The following MUSK variants were observed in gnomAD, a reference collection of about 807,000 sequenced individuals.
MUSK encodes the protein muscle, skeletal receptor tyrosine-protein kinase.
A neutral mutation model predicts 88.7 loss-of-function variants in MUSK; 55 were observed. The ratio of observed to expected loss-of-function variants is 0.62; its 90% CI spans 0.50 to 0.78. MUSK has a LOEUF of 0.78. MUSK is among the 30% of genes least tolerant of loss of function. The pLI, the probability that MUSK is intolerant of heterozygous loss-of-function variation, is 0.00. For synonymous variants in MUSK, 387 were observed against 391.9 expected (o/e 0.99, Z 0.15); for missense variants, 1,015 against 1,074.3 (o/e 0.94, Z 0.77).
At chr9:110,778,727 GCCAGAATGTTATA>G (rs1472139791) in intron 11 of MUSK, among the ~76,000 whole-genome samples, 1 of 151,896 alleles carries the variant, frequency 6.6e-6, no homozygotes, top group Non-Finnish European at 1.5e-5. Context: ...TGTCTTCAGA[GCCAGAATGTTATA>G]CCTGATGCAT....
chr9:110,689,695 AT>A (rs1354657683), intron 3 of MUSK, among the ~76,000 whole-genome samples: 2 of 48,132 alleles, frequency 4.2e-5, no homozygotes, highest in African/African-American at 3.4e-4. Flanking sequence ...ATATATAGTT[AT>A]ATATAAATAT....
At chr9:110,678,806 T>C (rs1432034972) in intron 1 of MUSK, among the ~76,000 whole-genome samples, 2 of 152,124 alleles carry the variant, frequency 1.3e-5, no homozygotes, top group Admixed American at 6.5e-5. Context: ...TGCATATCTG[T>C]TTAATTAATT....
chr9:110,745,288 CTT>C (rs1414543643), intron 6 of MUSK, among the ~76,000 whole-genome samples: 5 of 152,146 alleles, frequency 3.3e-5, no homozygotes, highest in Non-Finnish European at 5.9e-5. Context: ...TTAAGAATGA[CTT>C]TCTTAGGTGT....
intron 5 of MUSK, among the ~76,000 whole-genome samples, chr9:110,730,948 G>T: frequency 6.6e-6 from 1 of 152,036 alleles, no homozygotes; most frequent in Non-Finnish European, 1.5e-5. Context: ...GCCCTGACCT[G>T]GTAAACTTAC....
intron 14 of MUSK, 40 bp from the exon 15 acceptor site, chr9:110,800,266 G>C: frequency 6.9e-7 from 1 of 1,451,054 alleles, no homozygotes; most frequent in Non-Finnish European, 9.4e-7. Context: ...TTGTTTCATT[G>C]TAGAAACTGA....
At chr9:110,771,957 C>T (rs193139267) in intron 9 of MUSK, among the ~76,000 whole-genome samples, 26 of 152,040 alleles carry the variant, frequency 1.7e-4, no homozygotes, top group African/African-American at 5.3e-4. Context: ...ATTTTGTTAA[C>T]GAGTTGTTAC....
chr9:110,669,012 T>C (rs773846871), intron 1 of MUSK, 29 bp downstream of exon 1: 119 of 1,569,936 alleles, frequency 7.6e-5, no homozygotes, highest in Non-Finnish European at 9.7e-5. Context: ...GTCTTCTTGT[T>C]GTCTTGTCAT....
Position 110,800,977 on chromosome 9 carries a change from G to A in MUSK, c.2599G>A (p.Val867Met). 1 of 1,515,942 alleles carries A rather than the reference G, an allele frequency of 6.6e-7. No homozygotes were observed. The highest frequency in any genetic ancestry group is 8.8e-7 in the Non-Finnish European group (1 of 1,134,606). 93.9% of individuals were successfully genotyped at this position (1,515,942 alleles called of 1,614,324 possible). A position where few individuals can be genotyped will look rare whatever the true frequency, so the allele number is the denominator to read the frequency against. The change falls in exon 15 of 15, where the codon GTG becomes ATG. Residue 867 changes from valine (V) to methionine (M), a missense_variant. Coordinates refer to ENST00000374448, the MANE Select transcript of MUSK (RefSeq NM_005592.4). ...CATGTGTGAGAGGGCAGAGGGAACT[G>A]TGAGTGTCTAAGGTTGAAGACGTTC... ...ERMCERAEGT[V>M]SV
intron 1 of MUSK, among the ~76,000 whole-genome samples, chr9:110,673,132 G>A (rs2075981913): frequency 6.6e-6 from 1 of 152,140 alleles, no homozygotes; most frequent in Admixed American, 6.6e-5. Flanking sequence ...CCGGAAAGCA[G>A]ATTTGGATAA....
intron 14 of MUSK, among the ~76,000 whole-genome samples, chr9:110,799,251 G>GA (rs1030858969): frequency 6.6e-5 from 10 of 152,020 alleles, no homozygotes; most frequent in East Asian, 3.8e-4. Flanking sequence ...ACTTTTGCCT[G>GA]AAAAAACCCA....
At chr9:110,727,540 T>C (rs2076902685) in intron 5 of MUSK, 1 of 167,692 alleles carries the variant, frequency 6.0e-6, no homozygotes, top group Non-Finnish European at 1.3e-5. Flanking sequence ...ACAGACACTA[T>C]AGGTTTTAAA....
intron 3 of MUSK, among the ~76,000 whole-genome samples, chr9:110,690,291 T>TGTAAGTATATAGAAATATATAC (rs1564219744): frequency 1.0e-5 from 1 of 98,610 alleles, no homozygotes; most frequent in African/African-American, 4.5e-5. Flanking sequence ...TAAATATATA[T>TGTAAGTATATAGAAATATATAC]AAATATATAT....
At chr9:110,741,786 C>T (rs1375771251) in intron 6 of MUSK, among the ~76,000 whole-genome samples, 1 of 152,110 alleles carries the variant, frequency 6.6e-6, no homozygotes, top group Non-Finnish European at 1.5e-5. Flanking sequence ...CAGCTTGTAA[C>T]TTGAGGCATG....
At chr9:110,772,577 A>T (rs562869452) in intron 9 of MUSK, among the ~76,000 whole-genome samples, 3 of 152,014 alleles carry the variant, frequency 2.0e-5, no homozygotes, top group African/African-American at 4.8e-5. Flanking sequence ...ATAATAATAA[A>T]AATTGGCATT....
At chr9:110,758,747 A>G (rs78718970) in intron 7 of MUSK, among the ~76,000 whole-genome samples, 1,879 of 152,320 alleles carry the variant, frequency 0.012, 44 homozygotes, top group African/African-American at 0.043. Flanking sequence ...TTAATGTACA[A>G]AAGTCAGTAA....
rs2131636442 is a variant in MUSK at position 110,677,641 on chromosome 9, TG to T, written c.80-5031del. On this transcript the variant is annotated intron_variant, in intron 1 of 14. Transcript: ENST00000374448. ...TTTCACGGGTACCGTTTCCTCTGCC[TG>T]GAACACTCTTCTCTCTCCACTGCAC... 2.0e-5 allele frequency among the ~76,000 whole-genome samples: 3 copies of T among 152,356 alleles called. No homozygotes were observed. In the East Asian group the frequency reaches 5.8e-4, roughly 29 times the overall value.
intron 3 of MUSK, among the ~76,000 whole-genome samples, chr9:110,689,209 TTATATAA>T (rs1209837019): frequency 9.9e-6 from 1 of 101,324 alleles, no homozygotes; most frequent in Non-Finnish European, 1.8e-5. Context: ...TATTCATATT[TTATATAA>T]TATATAATAT....
rs539930697 is a variant in MUSK, at chr9:110,697,239, T to C, written c.487-86T>C. ...GCGATATCTTTGATGATGATAATAG[T>C]GATGACAATAAGTTGATGATATTTG... On this transcript the variant is annotated intron_variant, in intron 4 of 14. Coordinates refer to ENST00000374448, the MANE Select transcript of MUSK (RefSeq NM_005592.4). The C allele has an allele frequency of 1.6e-5, 22 of 1,377,012 alleles. No homozygotes were observed. In the African/African-American group the frequency reaches 2.7e-4, roughly 17 times the overall value. The allele number at this position is 1,377,012 out of a possible 1,614,324, so 85.3% of individuals were successfully genotyped here.
chr9:110,685,286 T>C (rs2076182968), intron 2 of MUSK, among the ~76,000 whole-genome samples: 2 of 152,284 alleles, frequency 1.3e-5, no homozygotes, highest in East Asian at 1.9e-4. Flanking sequence ...TGTTGAACTA[T>C]CCTTGTATCC....
Sources: allele counts gnomAD v4.1 joint callset (sites outside exome capture counted in the v4.1 genomes callset), GRCh38; gene constraint gnomAD v4.1.1; transcripts MANE v1.5; gene names NCBI Gene and HGNC (gene_info 2026-07-23, HGNC 2026-07-21).